RSU1: variants seen among roughly 807,000 people sequenced by gnomAD.
RSU1 encodes the protein rsu-1.
A neutral mutation model predicts 31.1 loss-of-function variants in RSU1; 26 were observed. The observed-to-expected ratio is 0.84, with a 90% confidence interval of 0.61 to 1.16. RSU1 has a LOEUF of 1.16. Ranked by LOEUF, RSU1 falls within the 50% of genes most tolerant of loss-of-function variation. RSU1 has a pLI of 0.00. For missense variants in RSU1, 320 were observed against 339.1 expected (o/e 0.94, Z 0.44); for synonymous variants, 164 against 136.3 (o/e 1.20, Z -1.41).
intron 2 of RSU1, among the ~76,000 whole-genome samples, chr10:16,793,213 G>C (rs1432519402): frequency 6.6e-6 from 1 of 152,032 alleles, no homozygotes; most frequent in Non-Finnish European, 1.5e-5. Context: ...TTAGTGTGCA[G>C]GGTTACTGAA....
intron 8 of RSU1, among the ~76,000 whole-genome samples, chr10:16,644,631 C>T (rs1834503292): frequency 1.3e-5 from 2 of 152,172 alleles, no homozygotes; most frequent in Non-Finnish European, 2.9e-5. Flanking sequence ...AGACCTGTGG[C>T]ATTAACTGCC....
chr10:16,661,153 T>A (rs1222654643), intron 8 of RSU1, among the ~76,000 whole-genome samples: 1 of 152,164 alleles, frequency 6.6e-6, no homozygotes, highest in Non-Finnish European at 1.5e-5. Flanking sequence ...TGCACCCCAA[T>A]GTTATAAGGC....
At chr10:16,620,950 A>T (rs1211379222) in intron 8 of RSU1, among the ~76,000 whole-genome samples, 1 of 152,204 alleles carries the variant, frequency 6.6e-6, no homozygotes, top group Non-Finnish European at 1.5e-5. Flanking sequence ...GCAGTCCTGA[A>T]ACCAGAATAG....
chr10:16,788,359 T>G (rs1837839268), intron 2 of RSU1, among the ~76,000 whole-genome samples: 1 of 151,990 alleles, frequency 6.6e-6, no homozygotes, highest in Non-Finnish European at 1.5e-5. Context: ...GAATCCCCAG[T>G]GTATGGTATT....
intron 7 of RSU1, among the ~76,000 whole-genome samples, chr10:16,703,326 T>C (rs774310960): frequency 7.9e-5 from 12 of 152,218 alleles, no homozygotes; most frequent in Non-Finnish European, 1.6e-4. Context: ...ACATTTTCCC[T>C]ACATTGCTGG....
rs533951704 is a variant in RSU1 at position 16,638,675 on chromosome 10, A to G, written c.732-45179T>C. Among the ~76,000 whole-genome samples, 11 of 152,314 alleles carry G rather than the reference A, an allele frequency of 7.2e-5. No individual in the cohort carries two copies. The South Asian group carries it at 8.3e-4, about 11-fold the overall frequency. On this transcript the variant is annotated intron_variant, in intron 8 of 8. Transcript: ENST00000345264. ...GGCTTTGCAAACCCTAAGCTAAACC[A>G]TGACACACGTGTCATTAAAATACAC...
chr10:16,746,046 A>G, intron 7 of RSU1, among the ~76,000 whole-genome samples: 1 of 152,238 alleles, frequency 6.6e-6, no homozygotes, highest in Admixed American at 6.5e-5. Flanking sequence ...ATTAAGAGAT[A>G]TAACAAGAGA....
At chr10:16,811,486 G>C (rs1017575861) in intron 2 of RSU1, among the ~76,000 whole-genome samples, 1 of 152,104 alleles carries the variant, frequency 6.6e-6, no homozygotes, top group Admixed American at 6.5e-5. Flanking sequence ...GAGGCACAGA[G>C]AGGTCAAGCA....
At chr10:16,633,490 AG>A (rs1385973681) in intron 8 of RSU1, among the ~76,000 whole-genome samples, 41 of 152,222 alleles carry the variant, frequency 2.7e-4, no homozygotes, top group Non-Finnish European at 2.9e-5. Context: ...TGTTACCCCA[AG>A]CTAGCTTTAG....
chr10:16,811,357 A>G (rs11254217), intron 2 of RSU1, among the ~76,000 whole-genome samples: 3,967 of 152,308 alleles, frequency 0.026, 60 homozygotes, highest in Non-Finnish European at 0.038. Context: ...TGAGTGTTCT[A>G]ATAATAGCAA....
At chr10:16,598,503 G>A (rs761042962) in intron 8 of RSU1, among the ~76,000 whole-genome samples, 4 of 152,168 alleles carry the variant, frequency 2.6e-5, no homozygotes, top group African/African-American at 4.8e-5. Context: ...GCAGTGAGCC[G>A]TGATCACACC....
chr10:16,675,860 T>C (rs1835219394), intron 8 of RSU1, among the ~76,000 whole-genome samples: 1 of 152,236 alleles, frequency 6.6e-6, no homozygotes, highest in Non-Finnish European at 1.5e-5. Flanking sequence ...ATTTGGATGC[T>C]AATATGATTT....
At chr10:16,651,629 AAC>A (rs1454810714) in intron 8 of RSU1, among the ~76,000 whole-genome samples, 3 of 152,246 alleles carry the variant, frequency 2.0e-5, no homozygotes, top group Non-Finnish European at 2.9e-5. Context: ...AGGTAGAACA[AAC>A]ACACTTTGCA....
intron 2 of RSU1, among the ~76,000 whole-genome samples, chr10:16,798,438 G>A (rs1013030804): frequency 1.3e-5 from 2 of 152,158 alleles, no homozygotes; most frequent in African/African-American, 4.8e-5. Context: ...AATCATGGGG[G>A]TGGTTTCCCC....
intron 7 of RSU1, among the ~76,000 whole-genome samples, chr10:16,725,571 G>A (rs980534878): frequency 3.3e-5 from 5 of 151,912 alleles, no homozygotes; most frequent in African/African-American, 4.8e-5. Flanking sequence ...AAAGGTATTC[G>A]GTGCGCTTAT....
chr10:16,743,207 C>T (rs1338930444), intron 7 of RSU1, among the ~76,000 whole-genome samples: 3 of 152,214 alleles, frequency 2.0e-5, no homozygotes, highest in Admixed American at 2.0e-4. Context: ...CCACAGCAAT[C>T]TGTCACCTAA....
At chr10:16,735,225 G>GT (rs112501497) in intron 7 of RSU1, among the ~76,000 whole-genome samples, 47 of 152,248 alleles carry the variant, frequency 3.1e-4, no homozygotes, top group African/African-American at 1.1e-3. Context: ...TATTCTAGGG[G>GT]TTAAAAACTT....
chr10:16,697,987 CTTTTTTTTTTTTTTTTTT>C (rs67816326), intron 7 of RSU1, among the ~76,000 whole-genome samples: 116 of 99,544 alleles, frequency 1.2e-3, no homozygotes, highest in Non-Finnish European at 1.4e-3. Flanking sequence ...AGGAACACAC[CTTTTTTTTTTTTTTTTTT>C]TTTTTTTTTT....
rs959086036 is a variant in RSU1 at position 16,625,630 on chromosome 10, C to T, written c.732-32134G>A. Reference sequence around the variant, plus strand: ...CACATCAATGTCCTGGTGGAAGTGTCCCCTGTCAGTCTCAAAAATGTCTTT... The same window carrying T: ...CACATCAATGTCCTGGTGGAAGTGTTCCCTGTCAGTCTCAAAAATGTCTTT... On this transcript the variant is annotated intron_variant, in intron 8 of 8. Coordinates refer to ENST00000345264, the MANE Select transcript of RSU1 (RefSeq NM_012425.4). Among the ~76,000 whole-genome samples the T allele has an allele frequency of 3.3e-5, 5 of 152,174 alleles. No individual in the cohort carries two copies. In the South Asian group the frequency reaches 8.3e-4, roughly 25 times the overall value.
Sources: gnomAD v4.1 joint callset for allele counts (sites outside exome capture counted in the v4.1 genomes callset) on GRCh38, gnomAD v4.1.1 for gene constraint, MANE v1.5 for transcripts, NCBI Gene and HGNC (gene_info 2026-07-23, HGNC 2026-07-21) for gene names.